Variants in MGAT4C observed in about 807,000 individuals in gnomAD.
MGAT4C encodes the protein MGAT4 family member C, also known as alpha-1,3-mannosyl-glycoprotein 4-beta-N-acetylglucosaminyltransferase C.
MGAT4C carries 19 observed loss-of-function variants against 40.1 expected under a neutral mutation model. The observed-to-expected ratio is 0.47, with a 90% CI of 0.33 to 0.70. The LOEUF is 0.70. Among genes scored for constraint, MGAT4C ranks in the 30% least tolerant of loss-of-function variants. MGAT4C has a pLI of 0.02. For synonymous variants in MGAT4C, 181 were observed against 187.1 expected, an observed-to-expected ratio of 0.97 and a Z score of 0.27; for missense variants, 491 against 563.2, an observed-to-expected ratio of 0.87 and a Z score of 1.30.
At chr12:86,101,205 G>A (rs868654743) in intron 1 of MGAT4C, among the ~76,000 whole-genome samples, 1 of 151,656 alleles carries the variant, frequency 6.6e-6, no homozygotes, top group African/African-American at 2.4e-5. Context: ...CTTAGATTTT[G>A]TTCAGTAAGA....
chr12:86,201,947 T>C (rs890604430), intron 1 of MGAT4C, among the ~76,000 whole-genome samples: 2 of 152,126 alleles, frequency 1.3e-5, no homozygotes, highest in Non-Finnish European at 2.9e-5. Flanking sequence ...AAATTTTCAC[T>C]TGTTTGTTGC....
At chr12:86,200,870 G>T (rs1423427093) in intron 1 of MGAT4C, among the ~76,000 whole-genome samples, 1 of 152,078 alleles carries the variant, frequency 6.6e-6, no homozygotes. Context: ...CTCATAAAAA[G>T]AAGACACACC....
intron 4 of MGAT4C, among the ~76,000 whole-genome samples, chr12:86,333,216 G>A (rs1163186763): frequency 1.3e-5 from 2 of 152,168 alleles, no homozygotes. Context: ...CACATGGCAT[G>A]TTTCCTTAGC....
chr12:86,492,049 G>T (rs1278025275), intron 2 of MGAT4C, among the ~76,000 whole-genome samples: 1 of 152,122 alleles, frequency 6.6e-6, no homozygotes, highest in Non-Finnish European at 1.5e-5. Flanking sequence ...ATTCACAATT[G>T]CTTCAAAGAG....
intron 1 of MGAT4C, among the ~76,000 whole-genome samples, chr12:86,759,907 T>A (rs147055077): frequency 2.0e-5 from 3 of 152,038 alleles, no homozygotes; most frequent in Non-Finnish European, 4.4e-5. Flanking sequence ...ATCTCATATG[T>A]GAATATTTAC....
Position 85,979,704 on chromosome 12 carries a change from G to T in MGAT4C, c.1022C>A (p.Pro341His). The T allele has an allele frequency of 6.2e-7, 1 of 1,613,300 alleles. No individual in the cohort carries two copies. The highest frequency in any genetic ancestry group is 8.5e-7 in the Non-Finnish European group (1 of 1,179,742). The change falls in exon 5 of 5, where the codon CCC (proline) becomes CAC (histidine). Residue 341 changes from proline to histidine, a missense_variant. Transcript: ENST00000611864. ...CATGTTGGTGTACAGACTTGCAGGGGGGTTATCAGGAATGTCAAATGACTC... is the reference window on the plus strand; with the variant it reads ...CATGTTGGTGTACAGACTTGCAGGGTGGTTATCAGGAATGTCAAATGACTC... Reference protein sequence around the residue: ...EEESFDIPDNPPASLYTNMNV... With the variant: ...EEESFDIPDNHPASLYTNMNV...
intron 3 of MGAT4C, among the ~76,000 whole-genome samples, chr12:86,339,978 C>T (rs61950709): frequency 0.085 from 12,933 of 152,206 alleles, 765 homozygotes; most frequent in Middle Eastern, 0.22. Flanking sequence ...CTAGATATTG[C>T]AACTTCTCCT....
At chr12:86,836,962 G>GA (rs1316307974) in intron 1 of MGAT4C, among the ~76,000 whole-genome samples, 1 of 152,020 alleles carries the variant, frequency 6.6e-6, no homozygotes, top group South Asian at 2.1e-4. Context: ...TTTAAAAATA[G>GA]AAAAGAGAGA....
chr12:86,397,739 G>C (rs577222384), intron 3 of MGAT4C, among the ~76,000 whole-genome samples: 14 of 152,246 alleles, frequency 9.2e-5, no homozygotes, highest in African/African-American at 3.4e-4. Context: ...GGTGGGAGAA[G>C]TGCTTGAGGC....
chr12:86,176,430 T>C (rs1566093383), intron 1 of MGAT4C, among the ~76,000 whole-genome samples: 1 of 152,196 alleles, frequency 6.6e-6, no homozygotes, highest in East Asian at 1.9e-4. Flanking sequence ...TCCCTGTGCA[T>C]ACATATGTCC....
chr12:86,153,129 C>T (rs1884499735), intron 1 of MGAT4C, among the ~76,000 whole-genome samples: 1 of 152,124 alleles, frequency 6.6e-6, no homozygotes, highest in African/African-American at 2.4e-5. Flanking sequence ...GGGTCACAGC[C>T]TCTCTCACAC....
intron 2 of MGAT4C, among the ~76,000 whole-genome samples, chr12:86,595,047 A>G (rs1286170773): frequency 1.3e-5 from 2 of 152,124 alleles, no homozygotes; most frequent in Non-Finnish European, 2.9e-5. Flanking sequence ...ATTCTATTCC[A>G]GTGCTTCTCA....
chr12:86,693,638 T>A (rs1007161809), intron 2 of MGAT4C, among the ~76,000 whole-genome samples: 1 of 152,158 alleles, frequency 6.6e-6, no homozygotes, highest in Non-Finnish European at 1.5e-5. Flanking sequence ...ACAGTTGTAA[T>A]TTTTAGAAGC....
chr12:86,385,921 TTTTA>T (rs1266030372), intron 3 of MGAT4C, among the ~76,000 whole-genome samples: 1 of 152,152 alleles, frequency 6.6e-6, no homozygotes, highest in Non-Finnish European at 1.5e-5. Flanking sequence ...AGTAATTATT[TTTTA>T]TTTTTTATTT....
chr12:86,661,038 G>GT (rs1387213692), intron 2 of MGAT4C, among the ~76,000 whole-genome samples: 1 of 152,102 alleles, frequency 6.6e-6, no homozygotes, highest in African/African-American at 2.4e-5. Flanking sequence ...TCTTAAATGA[G>GT]TTAGTACACC....
In MGAT4C at chr12:85,964,596, G is replaced by C. The variant is rs950299502; in HGVS notation, c.*14693C>G. 2.6e-5 allele frequency: 4 copies of C among 152,098 alleles called. No individual in the cohort carries two copies. The highest frequency in any genetic ancestry group is 9.7e-5 in the African/African-American group (4 of 41,426). The allele number at this position is 152,098 out of a possible 1,614,324, so 9.4% of individuals were successfully genotyped here. Reference sequence around the variant, plus strand: ...TACTGGTAAAGATAACATTATTTAAGGAAGGTAAGATACTCTTATCCTACA... The same window carrying C: ...TACTGGTAAAGATAACATTATTTAACGAAGGTAAGATACTCTTATCCTACA... On this transcript the variant is annotated 3_prime_UTR_variant, in exon 5 of 5. Coordinates refer to ENST00000611864, the MANE Select transcript of MGAT4C (RefSeq NM_001351288.2).
At position 86,761,753 on chromosome 12, in the gene MGAT4C, C is replaced by T. The variant is rs144066439; in HGVS notation, c.-261-34512G>A. Among the ~76,000 whole-genome samples, 12 of 152,268 alleles carry T rather than the reference C, an allele frequency of 7.9e-5. No homozygotes were observed. The East Asian group carries it at 1.2e-3, about 15-fold the overall frequency. The stretch of plus-strand genomic sequence containing the variant: ...CCTCCATTTTTAGAGTGCATCCCTC[C>T]AACCTCTGCTTCCATCTTCATATTG... On this transcript the variant is annotated intron_variant, in intron 1 of 7. Coordinates refer to the MGAT4C transcript ENST00000548651.
Position 86,237,691 on chromosome 12 carries a change from A to G in MGAT4C, c.-57+18548T>C, listed in dbSNP as rs536276053. On this transcript the variant is annotated intron_variant, in intron 1 of 4. Coordinates refer to ENST00000611864, the MANE Select transcript of MGAT4C (RefSeq NM_001351288.2). ...ATTTGTGTTGCTGTAAGTTCTTTGA[A>G]GCTCACAGTCTACTTGCAATAAAGT... 3.3e-5 allele frequency among the ~76,000 whole-genome samples: 5 copies of G among 151,990 alleles called. No individual in the cohort carries two copies. In the East Asian group the frequency reaches 9.7e-4, roughly 29 times the overall value.
rs1323709821 is a variant in MGAT4C at position 85,974,090 on chromosome 12, T to G, written c.*5199A>C. The G allele has an allele frequency of 6.6e-6, 1 of 150,920 alleles. No individual in the cohort carries two copies. Among genetic ancestry groups the G allele is most frequent in the Non-Finnish European group, 1.5e-5 (1 of 67,126 alleles). The allele number at this position is 150,920 out of a possible 1,614,324, so 9.3% of individuals were successfully genotyped here. A position where few individuals can be genotyped will look rare whatever the true frequency, so the allele number is the denominator to read the frequency against. On this transcript the variant is annotated 3_prime_UTR_variant, in exon 5 of 5. Transcript: ENST00000611864. ...GCTATGCAACTCATATTTTGATCTT[T>G]TAATGTTAAAGAATTCAAATAAAAA... is the stretch of plus-strand genomic sequence containing the variant.
Sources: allele counts gnomAD v4.1 joint callset (sites outside exome capture counted in the v4.1 genomes callset), GRCh38; gene constraint gnomAD v4.1.1; transcripts MANE v1.5; gene names NCBI Gene and HGNC (gene_info 2026-07-23, HGNC 2026-07-21).